The following CRPPA variants were observed in gnomAD, a reference collection of about 807,000 sequenced individuals.
CRPPA encodes the protein D-ribitol-5-phosphate cytidylyltransferase.
A neutral mutation model predicts 52.0 loss-of-function variants in CRPPA; 43 were observed. The observed-to-expected ratio is 0.83, with a 90% CI of 0.65 to 1.07. The LOEUF (loss-of-function observed/expected upper bound fraction) is 1.07, where lower values mean the gene tolerates loss of function less well. CRPPA is among the 50% of genes least tolerant of loss of function. CRPPA has a pLI of 0.00. For synonymous variants in CRPPA, 250 were observed against 203.5 expected, an observed-to-expected ratio of 1.23 and a Z score of -1.94; for missense variants, 629 against 551.7, an observed-to-expected ratio of 1.14 and a Z score of -1.40.
At chr7:16,358,940 T>C (rs1393901983) in intron 3 of CRPPA, among the ~76,000 whole-genome samples, 1 of 152,176 alleles carries the variant, frequency 6.6e-6, no homozygotes, top group Non-Finnish European at 1.5e-5. Flanking sequence ...TTTGAAATAA[T>C]GTAAAGAAAA....
intron 3 of CRPPA, 83 bp from the exon 4 acceptor site, chr7:16,308,710 C>G: frequency 1.2e-6 from 1 of 833,612 alleles, no homozygotes. Flanking sequence ...TAATCCATTG[C>G]AAACAAAGGA....
At chr7:16,151,696 A>G (rs1477126715) in intron 9 of CRPPA, among the ~76,000 whole-genome samples, 1 of 152,106 alleles carries the variant, frequency 6.6e-6, no homozygotes, top group African/African-American at 2.4e-5. Flanking sequence ...TACATACTTT[A>G]CAAATTGAAA....
intron 8 of CRPPA, among the ~76,000 whole-genome samples, chr7:16,256,007 A>T (rs1351781959): frequency 1.3e-5 from 2 of 152,236 alleles, no homozygotes; most frequent in Non-Finnish European, 2.9e-5. Context: ...TGAACAGGCA[A>T]CCTACAGTAT....
chr7:16,367,892 A>G (rs958328510), intron 3 of CRPPA, among the ~76,000 whole-genome samples: 1 of 152,158 alleles, frequency 6.6e-6, no homozygotes, highest in African/African-American at 2.4e-5. Flanking sequence ...CTCCATCGTC[A>G]AGTCTAAGAA....
intron 3 of CRPPA, among the ~76,000 whole-genome samples, chr7:16,373,927 C>T (rs1467127230): frequency 6.6e-6 from 1 of 152,096 alleles, no homozygotes; most frequent in Non-Finnish European, 1.5e-5. Flanking sequence ...TTTATTTTGC[C>T]ACATTCAACA....
chr7:16,171,059 C>T (rs1781174658), intron 9 of CRPPA, among the ~76,000 whole-genome samples: 1 of 152,222 alleles, frequency 6.6e-6, no homozygotes, highest in Non-Finnish European at 1.5e-5. Context: ...CAAGCGTGGT[C>T]AGAGTGGACG....
At chr7:16,405,547 C>T (rs983321107) in intron 2 of CRPPA, among the ~76,000 whole-genome samples, 1 of 152,064 alleles carries the variant, frequency 6.6e-6, no homozygotes, top group African/African-American at 2.4e-5. Context: ...AAAAAATAAA[C>T]ATGCTCCAAA....
chr7:16,115,907 T>C (rs1782361216), intron 9 of CRPPA, among the ~76,000 whole-genome samples: 1 of 152,088 alleles, frequency 6.6e-6, no homozygotes, highest in Non-Finnish European at 1.5e-5. Context: ...AAGACATAGA[T>C]GGCACAAAAG....
chr7:16,353,142 G>A (rs1326965925), intron 3 of CRPPA, among the ~76,000 whole-genome samples: 1 of 151,948 alleles, frequency 6.6e-6, no homozygotes, highest in Non-Finnish European at 1.5e-5. Context: ...AATTGCTTGA[G>A]CCCAGGAGTT....
At chr7:16,150,391 G>A (rs1309943236) in intron 9 of CRPPA, among the ~76,000 whole-genome samples, 1 of 152,102 alleles carries the variant, frequency 6.6e-6, no homozygotes, top group Non-Finnish European at 1.5e-5. Context: ...GAACAGCTAT[G>A]CATTGGAAGA....
intron 9 of CRPPA, among the ~76,000 whole-genome samples, chr7:16,147,099 T>C (rs1782988242): frequency 6.6e-6 from 1 of 152,228 alleles, no homozygotes; most frequent in African/African-American, 2.4e-5. Context: ...ACAAGCTCTC[T>C]TGCCTGCCTG....
At chr7:16,198,487 C>G (rs1272434583) in intron 9 of CRPPA, among the ~76,000 whole-genome samples, 32 of 116,584 alleles carry the variant, frequency 2.7e-4, no homozygotes, top group Non-Finnish European at 8.5e-5. Context: ...ACACATCCCC[C>G]TCTTTGAGAA....
intron 9 of CRPPA, among the ~76,000 whole-genome samples, chr7:16,161,274 G>C (rs1454875244): frequency 2.6e-5 from 4 of 152,186 alleles, no homozygotes; most frequent in Non-Finnish European, 4.4e-5. Flanking sequence ...TTTTCAAAAG[G>C]AATGCTTCCA....
intron 6 of CRPPA, among the ~76,000 whole-genome samples, chr7:16,272,657 A>G (rs1288450174): frequency 6.6e-6 from 1 of 152,226 alleles, no homozygotes; most frequent in African/African-American, 2.4e-5. Flanking sequence ...GGGAAGGGAA[A>G]AAGTATATAA....
intron 3 of CRPPA, among the ~76,000 whole-genome samples, chr7:16,325,500 G>C (rs890117019): frequency 4.6e-5 from 7 of 152,076 alleles, no homozygotes; most frequent in African/African-American, 2.4e-5. Flanking sequence ...ATGGATATTG[G>C]ACTGTTTCAG....
At chr7:16,237,737 C>A (rs1782990123) in intron 8 of CRPPA, among the ~76,000 whole-genome samples, 1 of 152,212 alleles carries the variant, frequency 6.6e-6, no homozygotes, top group Non-Finnish European at 1.5e-5. Context: ...CTAGGCAGTG[C>A]TGCTTTATAG....
intron 2 of CRPPA, among the ~76,000 whole-genome samples, chr7:16,395,792 T>G (rs1787554032): frequency 6.6e-6 from 1 of 152,220 alleles, no homozygotes; most frequent in African/African-American, 2.4e-5. Context: ...TATTTCATGT[T>G]AAACCATAGA....
At chr7:16,199,459 G>C (rs1200921023) in intron 9 of CRPPA, among the ~76,000 whole-genome samples, 1 of 152,006 alleles carries the variant, frequency 6.6e-6, no homozygotes, top group Non-Finnish European at 1.5e-5. Context: ...CCAATAAAAT[G>C]GATAATAAAA....
chr7:16,400,671 A>G (rs1477918653), intron 2 of CRPPA, among the ~76,000 whole-genome samples: 1 of 152,024 alleles, frequency 6.6e-6, no homozygotes, highest in Admixed American at 6.5e-5. Flanking sequence ...TCCATAACCA[A>G]CTTGTGAGAT....
Sources: gnomAD v4.1 joint callset for allele counts (sites outside exome capture counted in the v4.1 genomes callset) on GRCh38, gnomAD v4.1.1 for gene constraint, MANE v1.5 for transcripts, NCBI Gene and HGNC (gene_info 2026-07-23, HGNC 2026-07-21) for gene names.